Variants in MOCS2 observed in about 807,000 individuals in gnomAD.
MOCS2 encodes the protein molybdopterin synthase catalytic subunit.
In MOCS2, 13 loss-of-function variants were observed where a neutral mutation model predicts 21.9. The ratio of observed to expected loss-of-function variants is 0.59; its 90% CI spans 0.39 to 0.94. MOCS2 has a LOEUF of 0.94. MOCS2 is among the 40% of genes least tolerant of loss of function. The pLI is 0.00. For missense variants in MOCS2, 227 were observed against 218.3 expected, an observed-to-expected ratio of 1.04 and a Z score of -0.25; for synonymous variants, 92 against 80.8, an observed-to-expected ratio of 1.14 and a Z score of -0.74.
At chr5:53,108,954 T>C (rs932230159) in intron 1 of MOCS2, among the ~76,000 whole-genome samples, 3 of 152,212 alleles carry the variant, frequency 2.0e-5, no homozygotes, top group Admixed American at 1.3e-4. Flanking sequence ...CATAAAAGTA[T>C]AGCACCTTTT....
intron 5 of MOCS2, 65 bp downstream of exon 5, chr5:53,101,294 T>C: frequency 6.9e-7 from 1 of 1,456,468 alleles, no homozygotes; most frequent in Non-Finnish European, 9.6e-7. Flanking sequence ...GATTCAAGAA[T>C]CAGAGTTAGT....
rs1427581118 is a variant in MOCS2 at position 53,097,639 on chromosome 5, G to A, written c.*963C>T. ...TTAAATATTCTCACCACACAGAAGAGGGGACTATGTGAGCTGAGGAATATG... is the reference window on the plus strand; with the variant it reads ...TTAAATATTCTCACCACACAGAAGAAGGGACTATGTGAGCTGAGGAATATG... On this transcript the variant is annotated 3_prime_UTR_variant, in exon 7 of 7. Transcript: ENST00000396954. 6.6e-6 allele frequency: 1 copy of A among 152,120 alleles called. No homozygotes were observed. The highest frequency in any genetic ancestry group is 1.5e-5 in the Non-Finnish European group (1 of 68,024). 9.4% of individuals were successfully genotyped at this position (152,120 alleles called of 1,614,324 possible).
At chr5:53,099,363 C>G (rs1740842835) in intron 6 of MOCS2, among the ~76,000 whole-genome samples, 1 of 152,206 alleles carries the variant, frequency 6.6e-6, no homozygotes, top group African/African-American at 2.4e-5. Flanking sequence ...ACTGTGCACC[C>G]TTTCCTCCCT....
At position 53,098,570 on chromosome 5, in the gene MOCS2, G is replaced by C. The variant is rs374748835; in HGVS notation, c.*32C>G. The stretch of plus-strand genomic sequence containing the variant: ...TGATCAATAATAATAGTTTAACAAA[G>C]TTAAGATTGCATGCTCTAAAAACAT... On this transcript the variant is annotated 3_prime_UTR_variant, in exon 7 of 7. Transcript: ENST00000396954. 1.2e-4 allele frequency: 185 copies of C among 1,582,444 alleles called. No homozygotes were observed. Among genetic ancestry groups the C allele is most frequent in the Non-Finnish European group, 1.5e-4 (176 of 1,151,588 alleles).
intron 3 of MOCS2, among the ~76,000 whole-genome samples, chr5:53,103,003 A>G (rs1740957803): frequency 6.6e-6 from 1 of 151,866 alleles, no homozygotes; most frequent in Non-Finnish European, 1.5e-5. Flanking sequence ...GGGGAGTGAC[A>G]TGACTGCCAT....
chr5:53,107,368 A>G (rs1284116536), intron 2 of MOCS2, 147 bp from the exon 3 acceptor site: 2 of 721,100 alleles, frequency 2.8e-6, no homozygotes, highest in Non-Finnish European at 4.6e-6. Context: ...GTATATGGAG[A>G]AAGGACATAT....
rs1741115295 is a variant in MOCS2 at position 53,108,598 on chromosome 5, G to C, written c.-124C>G. The C allele has an allele frequency of 1.2e-6, 2 of 1,613,322 alleles. No individual in the cohort carries two copies. The highest frequency in any genetic ancestry group is 2.2e-5 in the South Asian group (2 of 91,018). ...TGAGGCACAGAAATGGTCTCTGAAC[G>C]AACTCCTGTTATTTCAGCACTTTTT... On this transcript the variant is annotated 5_prime_UTR_variant, in exon 2 of 7. Coordinates refer to ENST00000396954, the MANE Select transcript of MOCS2 (RefSeq NM_004531.5).
intron 3 of MOCS2, among the ~76,000 whole-genome samples, chr5:53,106,479 A>G (rs1245253657): frequency 6.6e-6 from 1 of 152,224 alleles, no homozygotes; most frequent in Admixed American, 6.5e-5. Context: ...GTTCTCACTT[A>G]CAAGTGGGAG....
In MOCS2 at chr5:53,109,593, G is replaced by A. The variant is rs937813995; in HGVS notation, c.-512C>T. On this transcript the variant is annotated 5_prime_UTR_variant, in exon 1 of 7. Transcript: ENST00000396954. The stretch of plus-strand genomic sequence containing the variant: ...CCCCCGAACCCAAGACGCCGGCCAG[G>A]TTGGGGGCTAGTGGGGAGGTCCGAC... The A allele has an allele frequency of 6.8e-6, 10 of 1,481,226 alleles. No individual in the cohort carries two copies. The African/African-American group carries it at 1.1e-4, about 17-fold the overall frequency. 91.8% of individuals were successfully genotyped at this position (1,481,226 alleles called of 1,614,324 possible).
Position 53,099,948 on chromosome 5 carries a change from T to A in MOCS2, c.501+463A>T, listed in dbSNP as rs190325381. Among the ~76,000 whole-genome samples, 392 of 152,242 alleles carry A rather than the reference T, an allele frequency of 2.6e-3. 3 individuals are homozygous for A. Among genetic ancestry groups the A allele is most frequent in the South Asian group, 8.9e-3 (43 of 4,816 alleles). On this transcript the variant is annotated intron_variant, in intron 6 of 6. Coordinates refer to ENST00000396954, the MANE Select transcript of MOCS2 (RefSeq NM_004531.5). ...AGAAAACATGCCAGAAGTTCCTATT[T>A]CTGTTTTTAAATCCACTCACTGCAT...
chr5:53,105,221 C>T (rs1336435747), intron 3 of MOCS2, among the ~76,000 whole-genome samples: 3 of 152,004 alleles, frequency 2.0e-5, no homozygotes, highest in African/African-American at 7.3e-5. Flanking sequence ...AAAAAGTACA[C>T]AGACAGTCCA....
rs545060367 is a variant in MOCS2 at position 53,097,810 on chromosome 5, T to C, written c.*792A>G. The C allele has an allele frequency of 6.6e-6, 1 of 152,360 alleles. No homozygotes were observed. The highest frequency in any genetic ancestry group is 2.1e-4 in the South Asian group (1 of 4,830). The allele number at this position is 152,360 out of a possible 1,614,324, so 9.4% of individuals were successfully genotyped here. ...TTAAGAACTATATGGGACTTATATG[T>C]ACAAGTCTATCAAAATACTATAAAG... On this transcript the variant is annotated 3_prime_UTR_variant, in exon 7 of 7. Transcript: ENST00000396954.
Position 53,098,377 on chromosome 5 carries a change from T to C in MOCS2, c.*225A>G. On this transcript the variant is annotated 3_prime_UTR_variant, in exon 7 of 7. Coordinates refer to ENST00000396954, the MANE Select transcript of MOCS2 (RefSeq NM_004531.5). ...CAGATATCTTTCCTCACATTTAAAT[T>C]ATTCCATTTCTTCCTACAGTCCTCC... is the stretch of plus-strand genomic sequence containing the variant. 1 of 570,704 alleles carries C rather than the reference T, an allele frequency of 1.8e-6. No homozygotes were observed. The highest frequency in any genetic ancestry group is 3.1e-6 in the Non-Finnish European group (1 of 320,328). The allele number at this position is 570,704 out of a possible 1,614,324, so 35.4% of individuals were successfully genotyped here.
chr5:53,105,132 G>A (rs1200169262), intron 3 of MOCS2, among the ~76,000 whole-genome samples: 1 of 151,962 alleles, frequency 6.6e-6, no homozygotes, highest in African/African-American at 2.4e-5. Flanking sequence ...TCTCTTTTCA[G>A]GCATTATTAG....
At chr5:53,100,798 T>C (rs138443579) in intron 5 of MOCS2, 1 of 450,060 alleles carries the variant, frequency 2.2e-6, no homozygotes, top group Admixed American at 3.6e-5. Context: ...ATCCTTTCAT[T>C]GATAGAGCAA....
In MOCS2 at chr5:53,096,141, G is replaced by A. The variant is rs986857870; in HGVS notation, c.*2461C>T. 13 of 152,074 alleles carry A rather than the reference G, an allele frequency of 8.5e-5. No homozygotes were observed. The highest frequency in any genetic ancestry group is 2.1e-4 in the South Asian group (1 of 4,828). 9.4% of individuals were successfully genotyped at this position (152,074 alleles called of 1,614,324 possible). ...ACTGCCCTCTGCTGGATGATCCACC[G>A]AACTACATCACACAAATCATTCTTG... On this transcript the variant is annotated 3_prime_UTR_variant, in exon 7 of 7. Transcript: ENST00000396954.
In MOCS2 at chr5:53,101,378, C is replaced by T. The variant is rs745861912; in HGVS notation, c.358G>A (p.Ala120Thr). 6.2e-7 allele frequency: 1 copy of T among 1,613,842 alleles called. No homozygotes were observed. Among genetic ancestry groups the T allele is most frequent in the Non-Finnish European group, 8.5e-7 (1 of 1,179,918 alleles). Residue 120 changes from alanine to threonine, a missense_variant, in exon 5 of 7, where the codon GCA (alanine) becomes ACA (threonine). Transcript: ENST00000396954. Reference sequence around the variant, plus strand: ...TCATACCCAAGTCTATGGAACACTGCTATGTGTTTGACTGGCCATTTCTGC... The same window carrying T: ...TCATACCCAAGTCTATGGAACACTGTTATGTGTTTGACTGGCCATTTCTGC... ...IRQKWPVKHI[A>T]VFHRLGLVPV...
intron 2 of MOCS2, 92 bp downstream of exon 2, chr5:53,108,430 G>C (rs969006234): frequency 6.3e-6 from 8 of 1,279,948 alleles, no homozygotes; most frequent in Non-Finnish European, 7.6e-6. Context: ...CATTAAGCAC[G>C]GAAATCGAAA....
intron 3 of MOCS2, among the ~76,000 whole-genome samples, chr5:53,104,485 T>C (rs976642774): frequency 1.3e-5 from 2 of 152,276 alleles, no homozygotes; most frequent in Non-Finnish European, 2.9e-5. Flanking sequence ...TATAGTTTTC[T>C]GAATAAATTC....
Sources: allele counts gnomAD v4.1 joint callset (sites outside exome capture counted in the v4.1 genomes callset), GRCh38; gene constraint gnomAD v4.1.1; transcripts MANE v1.5; gene names NCBI Gene and HGNC (gene_info 2026-07-23, HGNC 2026-07-21).